Variants in BMP5 observed in about 807,000 individuals in gnomAD.
BMP5 encodes bone morphogenetic protein 5.
Under a neutral mutation model 46.6 loss-of-function variants are expected in BMP5, and 23 were observed. The observed-to-expected ratio is 0.49, with a 90% CI of 0.35 to 0.70. BMP5 has a LOEUF of 0.70. BMP5 is among the 30% of genes least tolerant of loss of function. BMP5 has a pLI of 0.00. For missense variants in BMP5, 545 were observed against 565.6 expected, an observed-to-expected ratio of 0.96 and a Z score of 0.37; for synonymous variants, 204 against 191.9, an observed-to-expected ratio of 1.06 and a Z score of -0.52.
At chr6:55,817,088 A>G (rs1776289487) in intron 2 of BMP5, among the ~76,000 whole-genome samples, 1 of 152,202 alleles carries the variant, frequency 6.6e-6, no homozygotes, top group Non-Finnish European at 1.5e-5. Context: ...ATCATTAAAA[A>G]GTCAGGAAAC....
At chr6:55,785,294 A>C (rs1193635892) in intron 3 of BMP5, among the ~76,000 whole-genome samples, 2 of 151,872 alleles carry the variant, frequency 1.3e-5, no homozygotes, top group Admixed American at 6.6e-5. Context: ...TTGAAAATAC[A>C]TGGAGTATAT....
chr6:55,832,269 A>G (rs1178273355), intron 1 of BMP5, among the ~76,000 whole-genome samples: 1 of 152,012 alleles, frequency 6.6e-6, no homozygotes, highest in Admixed American at 6.6e-5. Context: ...TACTCCTGAG[A>G]GCTGTCTGTT....
Position 55,760,454 on chromosome 6 carries a change from T to C in BMP5, c.1104+3A>G, listed in dbSNP as rs1482418326. 1 of 1,612,784 alleles carries C rather than the reference T, an allele frequency of 6.2e-7. No individual in the cohort carries two copies. Among genetic ancestry groups the C allele is most frequent in the African/African-American group, 1.3e-5 (1 of 74,874 alleles). On this transcript the variant is annotated splice_donor_region_variant and intron_variant, in intron 5 of 6. Transcript: ENST00000370830. ...AGCACCAAAGTTGACTGAAAATTCC[T>C]ACCTGCCATCCCAGATCCCGGAAGC...
At chr6:55,765,278 A>G (rs1300888095) in intron 4 of BMP5, among the ~76,000 whole-genome samples, 2 of 152,132 alleles carry the variant, frequency 1.3e-5, no homozygotes, top group Non-Finnish European at 2.9e-5. Context: ...AAGGGATGAA[A>G]CACAGATATA....
At chr6:55,778,339 T>C (rs1003872265) in intron 3 of BMP5, among the ~76,000 whole-genome samples, 8 of 152,030 alleles carry the variant, frequency 5.3e-5, no homozygotes, top group Admixed American at 5.3e-4. Flanking sequence ...AGAGAGGAGA[T>C]TGAAAGGGTT....
intron 1 of BMP5, among the ~76,000 whole-genome samples, chr6:55,846,158 G>T (rs1323486781): frequency 1.3e-5 from 2 of 151,954 alleles, no homozygotes; most frequent in African/African-American, 4.8e-5. Flanking sequence ...TAATAATAAT[G>T]AAGAGTTTTT....
chr6:55,769,632 A>C (rs1775000116), intron 4 of BMP5, among the ~76,000 whole-genome samples: 1 of 151,918 alleles, frequency 6.6e-6, no homozygotes, highest in African/African-American at 2.4e-5. Context: ...GAGTGTTCTT[A>C]AATGGAATCT....
At chr6:55,871,163 T>C (rs1485776531) in intron 1 of BMP5, among the ~76,000 whole-genome samples, 2 of 151,806 alleles carry the variant, frequency 1.3e-5, no homozygotes, top group Non-Finnish European at 3.0e-5. Context: ...CTTTAACTTG[T>C]ACTGGTATTT....
intron 3 of BMP5, among the ~76,000 whole-genome samples, chr6:55,778,243 G>A (rs1001355110): frequency 1.3e-5 from 2 of 151,952 alleles, no homozygotes; most frequent in African/African-American, 4.8e-5. Context: ...CTGCTAAATG[G>A]ATGGGGTGGT....
Position 55,874,489 on chromosome 6 carries a change from C to G in BMP5, c.377G>C (p.Arg126Pro), listed in dbSNP as rs144615410. The change falls in exon 1 of 7, where the codon CGC (arginine) becomes CCC (proline). Residue 126 changes from arginine (R) to proline (P), a missense_variant. Physicochemically the swap from Arg to Pro is moderately radical, Grantham distance 103 (BLOSUM62 -2). Coordinates refer to ENST00000370830, the MANE Select transcript of BMP5 (RefSeq NM_021073.4). ...YPASPNGYPR[R>P]IQLSRTTPLT... Reference sequence around the variant, plus strand: ...AGGAGTCGTCCGAGATAACTGTATGCGACGAGGATACCCATTGGGAGAGGC... The same window carrying G: ...AGGAGTCGTCCGAGATAACTGTATGGGACGAGGATACCCATTGGGAGAGGC... The G allele has an allele frequency of 6.2e-7, 1 of 1,613,276 alleles. No homozygotes were observed. Among genetic ancestry groups the G allele is most frequent in the African/African-American group, 1.3e-5 (1 of 74,834 alleles).
intron 1 of BMP5, among the ~76,000 whole-genome samples, chr6:55,837,258 G>A (rs917559976): frequency 6.6e-6 from 1 of 151,858 alleles, no homozygotes; most frequent in African/African-American, 2.4e-5. Context: ...GTATGTTTAA[G>A]AAGATTGACT....
At chr6:55,868,290 AT>A (rs1029938354) in intron 1 of BMP5, among the ~76,000 whole-genome samples, 5 of 152,042 alleles carry the variant, frequency 3.3e-5, no homozygotes, top group South Asian at 4.1e-4. Context: ...AAAGTTGCTA[AT>A]TTTTTTTCTA....
Position 55,874,524 on chromosome 6 carries a change from C to T in BMP5, c.342G>A (p.Lys114=), listed in dbSNP as rs753610651. 1 of 1,613,400 alleles carries T rather than the reference C, an allele frequency of 6.2e-7. No homozygotes were observed. Among genetic ancestry groups the T allele is most frequent in the South Asian group, 1.1e-5 (1 of 91,080 alleles). ...ACCCATTGGGAGAGGCTGGGTATCC[C>T]TTTCTTGCCCCTCTGGTCTCTTCTG... ...SLAEETRGAR[K]GYPASPNGYP... is the part of the protein sequence containing the mutation. The change falls in exon 1 of 7, where the codon AAG becomes AAA. Residue 114 remains lysine, a synonymous_variant. Coordinates refer to ENST00000370830, the MANE Select transcript of BMP5 (RefSeq NM_021073.4).
chr6:55,813,786 C>CAA (rs148453962), intron 2 of BMP5, among the ~76,000 whole-genome samples: 4,355 of 123,666 alleles, frequency 0.035, 221 homozygotes, highest in African/African-American at 0.11. Context: ...GACACCGTCT[C>CAA]AAAAAAAAAA....
At position 55,819,790 on chromosome 6, in the gene BMP5, T is replaced by C. The variant is rs200769049; in HGVS notation, c.548A>G (p.Asp183Gly). 37 of 1,613,824 alleles carry C rather than the reference T, an allele frequency of 2.3e-5. No individual in the cohort carries two copies. The East Asian group carries it at 8.0e-4, about 35-fold the overall frequency. ...QRRHYKEFRF[D>G]LTQIPHGEAV... ...CTCTCCATGAGGAATTTGGGTAAGATCAAATCGAAATTCTTTGTAATGCCT... is the reference window on the plus strand; with the variant it reads ...CTCTCCATGAGGAATTTGGGTAAGACCAAATCGAAATTCTTTGTAATGCCT... Residue 183 changes from aspartate (D) to glycine (G), a missense_variant, in exon 2 of 7, where the codon GAT becomes GGT. Physicochemically the swap from Asp to Gly is moderately conservative, Grantham distance 94 (BLOSUM62 -1). Transcript: ENST00000370830.
chr6:55,758,866 T>C, intron 6 of BMP5, 139 bp downstream of exon 6: 1 of 704,464 alleles, frequency 1.4e-6, no homozygotes, highest in Non-Finnish European at 2.5e-6. Context: ...CAGTTGTTAC[T>C]TCAGCTCTAA....
intron 1 of BMP5, 93 bp downstream of exon 1, chr6:55,874,283 A>G (rs1219886217): frequency 6.5e-7 from 1 of 1,538,008 alleles, no homozygotes; most frequent in Non-Finnish European, 8.9e-7. Flanking sequence ...ATGTCTTTAT[A>G]TAAACATGAC....
rs188938604 is a variant in BMP5, at chr6:55,818,152, C to T, written c.683+1503G>A. ...GCATATATTCATATATTGTCCACAG[C>T]CTCCTTTTGGGTTCTGGTTGTCTAC... On this transcript the variant is annotated intron_variant, in intron 2 of 6. Coordinates refer to ENST00000370830, the MANE Select transcript of BMP5 (RefSeq NM_021073.4). 1.4e-4 allele frequency among the ~76,000 whole-genome samples: 21 copies of T among 152,136 alleles called. No homozygotes were observed. In the East Asian group the frequency reaches 4.1e-3, roughly 29 times the overall value.
rs762300143 is a variant in BMP5, at chr6:55,874,805, G to T, written c.61C>A (p.Leu21Ile). The change falls in exon 1 of 7, where the codon CTA becomes ATA. Residue 21 changes from leucine (L) to isoleucine (I), a missense_variant. Coordinates refer to ENST00000370830, the MANE Select transcript of BMP5 (RefSeq NM_021073.4). Reference protein sequence around the residue: ...IVGFLWSCWVLVGYAKGGLGD... With the variant: ...IVGFLWSCWVIVGYAKGGLGD... The stretch of plus-strand genomic sequence containing the variant: ...AAACCTCCTTTTGCATAACCCACTA[G>T]AACCCAGCAGCTCCAGAGGAAACCC... 2 of 1,612,938 alleles carry T rather than the reference G, an allele frequency of 1.2e-6. No homozygotes were observed. Among genetic ancestry groups the T allele is most frequent in the Non-Finnish European group, 1.7e-6 (2 of 1,179,556 alleles).
Sources: gnomAD v4.1 joint callset for allele counts (sites outside exome capture counted in the v4.1 genomes callset) on GRCh38, gnomAD v4.1.1 for gene constraint, MANE v1.5 for transcripts, NCBI Gene and HGNC (gene_info 2026-07-23, HGNC 2026-07-21) for gene names.